Variants in SAMD5 observed in about 807,000 individuals in gnomAD.
SAMD5 encodes the protein sterile alpha motif domain-containing protein 5.
SAMD5 carries 13 observed loss-of-function variants against 11.3 expected under a neutral mutation model. The ratio of observed to expected loss-of-function variants is 1.15; its 90% CI spans 0.75 to 1.83. SAMD5 has a LOEUF of 1.83. Among genes scored for constraint, SAMD5 ranks in the 40% most tolerant of loss-of-function variants. SAMD5 has a pLI of 0.00. For missense variants in SAMD5, 255 were observed against 239.1 expected (o/e 1.07, Z -0.44); for synonymous variants, 129 against 111.3 (o/e 1.16, Z -1.00).
chr6:147,683,800 A>G (rs1219661311), intron 1 of SAMD5, among the ~76,000 whole-genome samples: 2 of 152,220 alleles, frequency 1.3e-5, no homozygotes, highest in Non-Finnish European at 2.9e-5. Flanking sequence ...TGATTTTGAA[A>G]TAATTTTGAC....
intron 1 of SAMD5, among the ~76,000 whole-genome samples, chr6:147,617,162 T>A (rs1226339034): frequency 6.6e-6 from 1 of 152,196 alleles, no homozygotes; most frequent in Non-Finnish European, 1.5e-5. Context: ...GTGAGTCTTA[T>A]TCATACCTGA....
At chr6:147,930,482 A>G in the SAMD5 span, among the ~76,000 whole-genome samples, 1 of 152,124 alleles carries the variant, frequency 6.6e-6, no homozygotes, top group African/African-American at 2.4e-5. Flanking sequence ...CGTTTCTATA[A>G]TATATAAAGA....
chr6:147,529,507 G>A (rs1365810366), intron 1 of SAMD5, among the ~76,000 whole-genome samples: 2 of 152,128 alleles, frequency 1.3e-5, no homozygotes, highest in Non-Finnish European at 2.9e-5. Context: ...ACACGCAGAT[G>A]AACTATTCCT....
In SAMD5 at chr6:147,728,293, G is replaced by A. The variant is rs542077788; in HGVS notation, c.163-9024G>A. Among the ~76,000 whole-genome samples the A allele has an allele frequency of 7.2e-5, 11 of 152,210 alleles. No homozygotes were observed. The South Asian group carries it at 8.3e-4, about 11-fold the overall frequency. Reference sequence around the variant, plus strand: ...ATCAGCCAGACACGGTCTTGTATGCGTGTAATCCCAGCTCTTCGGGAGGCT... The same window carrying A: ...ATCAGCCAGACACGGTCTTGTATGCATGTAATCCCAGCTCTTCGGGAGGCT... On this transcript the variant is annotated intron_variant, in intron 1 of 1. Coordinates refer to the SAMD5 transcript ENST00000566741.
At chr6:147,885,784 T>C in the SAMD5 span, among the ~76,000 whole-genome samples, 1 of 152,182 alleles carries the variant, frequency 6.6e-6, no homozygotes, top group Admixed American at 6.5e-5. Context: ...CTTGGAGCAA[T>C]GATCATGGTG....
chr6:147,895,397 T>G, the SAMD5 span, among the ~76,000 whole-genome samples: 7 of 152,268 alleles, frequency 4.6e-5, no homozygotes, highest in South Asian at 8.3e-4. Context: ...CCTTATAAAT[T>G]TATTCTTGTC....
chr6:147,578,268 T>C (rs1477489050), intron 1 of SAMD5, among the ~76,000 whole-genome samples: 1 of 152,216 alleles, frequency 6.6e-6, no homozygotes, highest in African/African-American at 2.4e-5. Flanking sequence ...TTTAGTTGTG[T>C]TGTTAGTAGA....
At chr6:147,785,951 C>T in the SAMD5 span, among the ~76,000 whole-genome samples, 1 of 152,182 alleles carries the variant, frequency 6.6e-6, no homozygotes, top group Non-Finnish European at 1.5e-5. Context: ...GTCCATGCTA[C>T]ATGGAATTCT....
the SAMD5 span, among the ~76,000 whole-genome samples, chr6:147,861,720 C>T: frequency 9.8e-5 from 15 of 152,296 alleles, no homozygotes; most frequent in South Asian, 1.9e-3. Context: ...GTGCCTCCCT[C>T]GGGTCCACTT....
At chr6:147,934,795 A>G in the SAMD5 span, among the ~76,000 whole-genome samples, 1 of 152,014 alleles carries the variant, frequency 6.6e-6, no homozygotes, top group African/African-American at 2.4e-5. Flanking sequence ...GAAGGGGGAA[A>G]CATATTTACA....
the SAMD5 span, among the ~76,000 whole-genome samples, chr6:147,936,194 C>T: frequency 1.9e-3 from 288 of 152,240 alleles, no homozygotes; most frequent in African/African-American, 6.5e-3. Context: ...TCTTCTCAGC[C>T]TGTTAATCTC....
At chr6:147,741,955 C>T (rs945510046), downstream of SAMD5, 4 of 152,140 alleles carry the variant, frequency 2.6e-5, no homozygotes, top group Admixed American at 1.3e-4. Context: ...TCTATTTCCC[C>T]TCTGCGTGTT....
At chr6:147,523,394 C>T (rs1427481209) in intron 1 of SAMD5, among the ~76,000 whole-genome samples, 1 of 152,064 alleles carries the variant, frequency 6.6e-6, no homozygotes, top group East Asian at 1.9e-4. Context: ...GAACAGGGTA[C>T]AGGAATAGTA....
At chr6:147,648,550 C>G (rs745406535) in intron 1 of SAMD5, among the ~76,000 whole-genome samples, 1 of 152,230 alleles carries the variant, frequency 6.6e-6, no homozygotes, top group Non-Finnish European at 1.5e-5. Flanking sequence ...GGTCCACCCC[C>G]ACTGTCATCC....
At chr6:147,702,309 G>A (rs1355471115) in intron 1 of SAMD5, among the ~76,000 whole-genome samples, 2 of 152,158 alleles carry the variant, frequency 1.3e-5, no homozygotes, top group African/African-American at 4.8e-5. Context: ...CAAGATTTGG[G>A]TGGGGACACA....
At chr6:147,764,804 C>T in the SAMD5 span, among the ~76,000 whole-genome samples, 3 of 152,100 alleles carry the variant, frequency 2.0e-5, no homozygotes, top group African/African-American at 7.2e-5. Flanking sequence ...TTTCTGTTTG[C>T]ATATCATGTA....
chr6:147,943,696 T>C, the SAMD5 span, among the ~76,000 whole-genome samples: 5 of 152,132 alleles, frequency 3.3e-5, no homozygotes, highest in African/African-American at 4.8e-5. Context: ...GGATCTCTCC[T>C]GTTCTCTGCT....
chr6:147,799,054 T>A, the SAMD5 span, among the ~76,000 whole-genome samples: 1 of 152,086 alleles, frequency 6.6e-6, no homozygotes, highest in Non-Finnish European at 1.5e-5. Context: ...AATTGGAGCA[T>A]TTAGTCCATT....
At position 147,546,530 on chromosome 6, in the gene SAMD5, C is replaced by A. The variant is rs1175530518; in HGVS notation, c.460-17864C>A. Among the ~76,000 whole-genome samples, 99 of 112,164 alleles carry A rather than the reference C, an allele frequency of 8.8e-4. 1 individual carries two copies. The highest frequency in any genetic ancestry group is 2.4e-3 in the East Asian group (8 of 3,390). The allele number at this position is 112,164 out of a possible 152,430, so 73.6% of individuals were successfully genotyped here. A position where few individuals can be genotyped will look rare whatever the true frequency, so the allele number is the denominator to read the frequency against. ...GGGCAACAAGAGCGAAACTCTGTCT[C>A]AAAAAAAAAAAAATAGAGTGAGGCC... On this transcript the variant is annotated intron_variant, in intron 1 of 1. Coordinates refer to ENST00000367474, the MANE Select transcript of SAMD5 (RefSeq NM_001030060.3).
Sources: allele counts gnomAD v4.1 joint callset (sites outside exome capture counted in the v4.1 genomes callset), GRCh38; gene constraint gnomAD v4.1.1; transcripts MANE v1.5; gene names NCBI Gene and HGNC (gene_info 2026-07-23, HGNC 2026-07-21).